Variants in CDH12 observed in about 807,000 individuals in gnomAD.
The protein encoded by CDH12 is cadherin-12.
CDH12 carries 41 observed loss-of-function variants against 74.1 expected under a neutral mutation model. The ratio of observed to expected loss-of-function variants is 0.55; its 90% CI spans 0.43 to 0.72. CDH12 has a LOEUF of 0.72. Ranked by LOEUF, CDH12 falls within the 30% of genes least tolerant of loss-of-function variation. The probability of loss-of-function intolerance (pLI) is 0.00; values close to 1 mark genes in which losing one functional copy is unlikely to be tolerated. For missense variants in CDH12, 945 were observed against 977.2 expected (o/e 0.97, Z 0.44); for synonymous variants, 399 against 355.0 (o/e 1.12, Z -1.39).
intron 3 of CDH12, among the ~76,000 whole-genome samples, chr5:22,384,569 T>G (rs902624020): frequency 6.6e-5 from 10 of 151,774 alleles, no homozygotes; most frequent in Non-Finnish European, 4.4e-5. Context: ...AAAATGTCTT[T>G]TTTATCCATT....
At chr5:22,478,490 G>A (rs1746263258) in intron 2 of CDH12, among the ~76,000 whole-genome samples, 1 of 150,228 alleles carries the variant, frequency 6.7e-6, no homozygotes, top group Admixed American at 6.6e-5. Flanking sequence ...AAGCAATCTA[G>A]TAAACAACCT....
intron 5 of CDH12, among the ~76,000 whole-genome samples, chr5:22,041,119 T>C (rs1337059280): frequency 2.0e-5 from 3 of 152,020 alleles, no homozygotes; most frequent in African/African-American, 7.2e-5. Flanking sequence ...CAGCAGAGAA[T>C]AGTCTATTTT....
chr5:22,530,204 T>G (rs1444455149), intron 1 of CDH12, among the ~76,000 whole-genome samples: 1 of 152,172 alleles, frequency 6.6e-6, no homozygotes, highest in Admixed American at 6.6e-5. Context: ...CTCATCTTTA[T>G]TCTAGAAAAT....
At chr5:22,060,684 G>A (rs972378378) in intron 5 of CDH12, among the ~76,000 whole-genome samples, 7 of 152,170 alleles carry the variant, frequency 4.6e-5, no homozygotes, top group Non-Finnish European at 1.0e-4. Flanking sequence ...AGGTTACTGA[G>A]GGTTTTGTAT....
intron 1 of CDH12, among the ~76,000 whole-genome samples, chr5:22,826,508 G>A (rs1323584967): frequency 6.6e-6 from 1 of 152,150 alleles, no homozygotes; most frequent in Non-Finnish European, 1.5e-5. Flanking sequence ...GACAGAGATT[G>A]GAACAATTTG....
At chr5:22,417,249 C>T (rs79861939) in intron 2 of CDH12, among the ~76,000 whole-genome samples, 1,753 of 152,298 alleles carry the variant, frequency 0.012, 35 homozygotes, top group African/African-American at 0.039. Flanking sequence ...AATGGGTCCA[C>T]TAAAGTTCAA....
chr5:22,019,346 T>A (rs920801648), intron 5 of CDH12, among the ~76,000 whole-genome samples: 1 of 152,126 alleles, frequency 6.6e-6, no homozygotes, highest in East Asian at 1.9e-4. Context: ...TTTTAGAAAA[T>A]GCCAGTTAGA....
At chr5:21,906,969 G>C (rs184370559) in intron 6 of CDH12, among the ~76,000 whole-genome samples, 4 of 152,090 alleles carry the variant, frequency 2.6e-5, no homozygotes, top group Non-Finnish European at 2.9e-5. Context: ...GAGCCACTGC[G>C]CCCAGGCAAT....
At chr5:21,897,280 T>A (rs1753169207) in intron 6 of CDH12, among the ~76,000 whole-genome samples, 1 of 152,234 alleles carries the variant, frequency 6.6e-6, no homozygotes, top group Non-Finnish European at 1.5e-5. Flanking sequence ...GTCAGTACTA[T>A]AGGCTTCATA....
chr5:22,529,150 T>C (rs1044067388), intron 1 of CDH12, among the ~76,000 whole-genome samples: 1 of 111,450 alleles, frequency 9.0e-6, no homozygotes, highest in Non-Finnish European at 1.9e-5. Context: ...TATATACACA[T>C]ATATATACAC....
chr5:22,058,050 ATCT>A (rs775999341), intron 5 of CDH12, among the ~76,000 whole-genome samples: 18 of 148,568 alleles, frequency 1.2e-4, no homozygotes, highest in African/African-American at 4.3e-4. Context: ...TCTATCATCT[ATCT>A]TTTATTTATT....
intron 1 of CDH12, among the ~76,000 whole-genome samples, chr5:22,652,942 G>A (rs186636047): frequency 2.0e-5 from 3 of 152,214 alleles, no homozygotes; most frequent in Admixed American, 2.0e-4. Context: ...ATAACTGTAT[G>A]CCCAAATAAA....
At chr5:22,341,441 T>C (rs1324575538) in intron 3 of CDH12, among the ~76,000 whole-genome samples, 2 of 152,174 alleles carry the variant, frequency 1.3e-5, no homozygotes, top group African/African-American at 4.8e-5. Context: ...AGGAATGCCA[T>C]TTGGACTTCT....
intron 1 of CDH12, among the ~76,000 whole-genome samples, chr5:22,576,115 T>A (rs1739776330): frequency 6.6e-6 from 1 of 152,306 alleles, no homozygotes; most frequent in East Asian, 1.9e-4. Flanking sequence ...GAATCTTCTG[T>A]GTTCTCAGGA....
At chr5:22,488,973 TA>T (rs1161946860) in intron 2 of CDH12, among the ~76,000 whole-genome samples, 1 of 151,656 alleles carries the variant, frequency 6.6e-6, no homozygotes, top group African/African-American at 2.4e-5. Context: ...ATCTGATTTT[TA>T]AAAATCCTGG....
intron 4 of CDH12, among the ~76,000 whole-genome samples, chr5:22,144,343 T>A (rs893777481): frequency 3.3e-5 from 5 of 152,182 alleles, no homozygotes; most frequent in Non-Finnish European, 5.9e-5. Context: ...ATGTTAACTT[T>A]ATCCAACTAA....
intron 1 of CDH12, among the ~76,000 whole-genome samples, chr5:22,529,138 TATATATACA>T (rs1737437151): frequency 7.4e-6 from 1 of 135,820 alleles, no homozygotes; most frequent in Non-Finnish European, 1.7e-5. Flanking sequence ...AATATATGCA[TATATATACA>T]CATATATATA....
chr5:22,502,146 G>C (rs1167254020), intron 2 of CDH12, among the ~76,000 whole-genome samples: 1 of 152,088 alleles, frequency 6.6e-6, no homozygotes, highest in African/African-American at 2.4e-5. Context: ...TTCATCTTGA[G>C]TTGTAGTTCC....
chr5:21,976,932 C>T (rs1382291025), intron 5 of CDH12, among the ~76,000 whole-genome samples: 1 of 151,932 alleles, frequency 6.6e-6, no homozygotes, highest in East Asian at 1.9e-4. Context: ...AAATATAGCC[C>T]AAATAAATAC....
Sources: allele counts gnomAD v4.1 joint callset (sites outside exome capture counted in the v4.1 genomes callset), GRCh38; gene constraint gnomAD v4.1.1; transcripts MANE v1.5; gene names NCBI Gene and HGNC (gene_info 2026-07-23, HGNC 2026-07-21).